The following SLC24A2 variants were observed in gnomAD, a reference collection of about 807,000 sequenced individuals.
SLC24A2 encodes the protein solute carrier family 24 member 2.
A neutral mutation model predicts 62.0 loss-of-function variants in SLC24A2; 36 were observed. That is an observed-to-expected ratio of 0.58 (90% CI 0.44 to 0.77). SLC24A2 has a LOEUF of 0.77. Ranked by LOEUF, SLC24A2 falls within the 30% of genes least tolerant of loss-of-function variation. The pLI is 0.00. For synonymous variants in SLC24A2, 358 were observed against 294.0 expected, an observed-to-expected ratio of 1.22 and a Z score of -2.23; for missense variants, 846 against 817.9, an observed-to-expected ratio of 1.03 and a Z score of -0.42.
the SLC24A2 span, among the ~76,000 whole-genome samples, chr9:20,185,208 C>A: frequency 5.3e-5 from 8 of 152,022 alleles, no homozygotes; most frequent in Admixed American, 2.6e-4. Flanking sequence ...GTATCGTATT[C>A]TTAAAAATTA....
intron 2 of SLC24A2, among the ~76,000 whole-genome samples, chr9:19,743,108 C>A (rs925086238): frequency 5.3e-5 from 8 of 151,680 alleles, no homozygotes; most frequent in Non-Finnish European, 1.5e-5. Context: ...GAATTGTGTG[C>A]TTAACAACTA....
intron 7 of SLC24A2, among the ~76,000 whole-genome samples, chr9:19,556,044 G>A (rs531823872): frequency 6.6e-6 from 1 of 152,260 alleles, no homozygotes; most frequent in South Asian, 2.1e-4. Flanking sequence ...ACCGAACATT[G>A]AAATCTGGAG....
the SLC24A2 span, among the ~76,000 whole-genome samples, chr9:20,223,261 G>A: frequency 6.6e-6 from 1 of 152,060 alleles, no homozygotes; most frequent in South Asian, 2.1e-4. Flanking sequence ...CTTAATAAAT[G>A]AACATAAATA....
chr9:19,712,398 A>C (rs1433022343), intron 2 of SLC24A2, among the ~76,000 whole-genome samples: 1 of 152,184 alleles, frequency 6.6e-6, no homozygotes, highest in Non-Finnish European at 1.5e-5. Flanking sequence ...GATGGGTTTG[A>C]ATGTACTTTT....
the SLC24A2 span, among the ~76,000 whole-genome samples, chr9:20,073,868 ATGTGCGTG>A: frequency 1.8e-5 from 2 of 110,096 alleles, no homozygotes; most frequent in African/African-American, 3.6e-5. Flanking sequence ...GTGTGTGTAT[ATGTGCGTG>A]TATATATATA....
the SLC24A2 span, among the ~76,000 whole-genome samples, chr9:19,914,807 C>T: frequency 2.6e-5 from 4 of 152,142 alleles, no homozygotes; most frequent in East Asian, 5.8e-4. Context: ...AGTATCCTCC[C>T]CAGTGTCATG....
At chr9:19,722,345 C>A (rs901061497) in intron 2 of SLC24A2, among the ~76,000 whole-genome samples, 2 of 152,030 alleles carry the variant, frequency 1.3e-5, no homozygotes, top group Non-Finnish European at 2.9e-5. Context: ...TTGAGCTGAA[C>A]TGAGAATGCT....
intron 2 of SLC24A2, among the ~76,000 whole-genome samples, chr9:19,736,516 G>A (rs1398778843): frequency 2.0e-5 from 3 of 152,020 alleles, no homozygotes; most frequent in Non-Finnish European, 2.9e-5. Context: ...ATTAGACAAA[G>A]TAGACTTTAA....
At chr9:20,127,326 G>A in the SLC24A2 span, among the ~76,000 whole-genome samples, 3 of 152,028 alleles carry the variant, frequency 2.0e-5, no homozygotes, top group African/African-American at 7.2e-5. Context: ...TTGAAACCAG[G>A]AAACTTTAGT....
chr9:19,988,910 G>C, the SLC24A2 span, among the ~76,000 whole-genome samples: 7 of 152,228 alleles, frequency 4.6e-5, no homozygotes, highest in African/African-American at 1.7e-4. Flanking sequence ...TTTCACCATA[G>C]GCTTGTGCCA....
At chr9:19,873,969 T>G in the SLC24A2 span, among the ~76,000 whole-genome samples, 3 of 152,204 alleles carry the variant, frequency 2.0e-5, no homozygotes, top group East Asian at 5.8e-4. Flanking sequence ...TTAAAAATTT[T>G]GAAGCCATAA....
At chr9:19,941,706 T>TA in the SLC24A2 span, among the ~76,000 whole-genome samples, 1 of 152,146 alleles carries the variant, frequency 6.6e-6, no homozygotes, top group Non-Finnish European at 1.5e-5. Context: ...CCACATTTAC[T>TA]AGAAGCACAT....
At chr9:20,293,557 C>T in the SLC24A2 span, among the ~76,000 whole-genome samples, 1 of 152,208 alleles carries the variant, frequency 6.6e-6, no homozygotes, top group Admixed American at 6.5e-5. Flanking sequence ...TAAGGAAGCA[C>T]TGTTATTACC....
chr9:20,124,512 C>T, the SLC24A2 span, among the ~76,000 whole-genome samples: 3 of 152,136 alleles, frequency 2.0e-5, no homozygotes, highest in Admixed American at 1.3e-4. Flanking sequence ...ATTTTGATGA[C>T]TTTTCTTCAG....
At chr9:19,958,660 C>G in the SLC24A2 span, among the ~76,000 whole-genome samples, 2 of 152,166 alleles carry the variant, frequency 1.3e-5, no homozygotes, top group Non-Finnish European at 2.9e-5. Context: ...AAATGAGGAT[C>G]AAATACCTGC....
the SLC24A2 span, among the ~76,000 whole-genome samples, chr9:20,225,122 C>G: frequency 6.6e-6 from 1 of 152,198 alleles, no homozygotes; most frequent in South Asian, 2.1e-4. Flanking sequence ...GAAAGTCTGT[C>G]TCAGGCTTTG....
chr9:19,953,352 T>A, the SLC24A2 span, among the ~76,000 whole-genome samples: 1 of 152,012 alleles, frequency 6.6e-6, no homozygotes, highest in South Asian at 2.1e-4. Context: ...ATTTAACAAC[T>A]ATAGTTTTCA....
chr9:19,765,053 CTTCT>C (rs1822467990), intron 2 of SLC24A2, among the ~76,000 whole-genome samples: 1 of 151,702 alleles, frequency 6.6e-6, no homozygotes, highest in African/African-American at 2.4e-5. Flanking sequence ...ATGTAATGAC[CTTCT>C]TTGTCTTTTC....
the SLC24A2 span, among the ~76,000 whole-genome samples, chr9:19,947,365 G>C: frequency 2.0e-5 from 3 of 150,866 alleles, no homozygotes; most frequent in East Asian, 5.8e-4. Context: ...AGGAAGGAAG[G>C]AAAGAAGGAA....
Sources: gnomAD v4.1 joint callset for allele counts (sites outside exome capture counted in the v4.1 genomes callset) on GRCh38, gnomAD v4.1.1 for gene constraint, MANE v1.5 for transcripts, NCBI Gene and HGNC (gene_info 2026-07-23, HGNC 2026-07-21) for gene names.